Variants in CARD8 observed in about 807,000 individuals in gnomAD.
CARD8 encodes caspase recruitment domain family member 8, also known as caspase recruitment domain-containing protein 8.
A neutral mutation model predicts 53.2 loss-of-function variants in CARD8; 38 were observed. That is an observed-to-expected ratio of 0.71 (90% CI 0.55 to 0.94). CARD8 has a LOEUF of 0.94. Among genes scored for constraint, CARD8 ranks in the 40% least tolerant of loss-of-function variants. The probability of loss-of-function intolerance (pLI) is 0.00; values close to 1 mark genes in which losing one functional copy is unlikely to be tolerated. For synonymous variants in CARD8, 245 were observed against 244.9 expected, an observed-to-expected ratio of 1.00 and a Z score of 0.00; for missense variants, 561 against 655.5, an observed-to-expected ratio of 0.86 and a Z score of 1.57.
At chr19:48,245,601 A>G (rs1398637409) in intron 3 of CARD8, among the ~76,000 whole-genome samples, 1 of 152,126 alleles carries the variant, frequency 6.6e-6, no homozygotes, top group Non-Finnish European at 1.5e-5. Context: ...TCATTAAAAT[A>G]GCAACTATGG....
At chr19:48,241,274 T>C (rs1021299621) in intron 3 of CARD8, among the ~76,000 whole-genome samples, 7 of 152,152 alleles carry the variant, frequency 4.6e-5, no homozygotes, top group South Asian at 2.1e-4. Flanking sequence ...CCTTTTTTTT[T>C]AGATGGAGTC....
At chr19:48,231,390 T>A (rs1241107138) in intron 8 of CARD8, among the ~76,000 whole-genome samples, 1 of 152,184 alleles carries the variant, frequency 6.6e-6, no homozygotes, top group Admixed American at 6.6e-5. Context: ...CTGCAACCTC[T>A]GCCCCCTGGG....
intron 8 of CARD8, among the ~76,000 whole-genome samples, chr19:48,231,306 A>G (rs903754948): frequency 9.2e-5 from 14 of 151,798 alleles, no homozygotes; most frequent in Admixed American, 3.3e-4. Context: ...TTATATTTTT[A>G]TTTATTTATT....
At chr19:48,247,848 T>A (rs2046373367) in intron 3 of CARD8, among the ~76,000 whole-genome samples, 1 of 151,776 alleles carries the variant, frequency 6.6e-6, no homozygotes, top group African/African-American at 2.4e-5. Context: ...AAATTTTAAA[T>A]TTTAACATTA....
At chr19:48,243,489 T>C (rs1318155426) in intron 3 of CARD8, among the ~76,000 whole-genome samples, 1 of 152,240 alleles carries the variant, frequency 6.6e-6, no homozygotes, top group African/African-American at 2.4e-5. Flanking sequence ...AATCTGCATA[T>C]TTAATTTATT....
Position 48,209,891 on chromosome 19 carries a change from A to G in CARD8, c.*1819T>C, listed in dbSNP as rs904763690. The G allele has an allele frequency of 6.6e-6, 1 of 152,330 alleles. No homozygotes were observed. The highest frequency in any genetic ancestry group is 2.4e-5 in the African/African-American group (1 of 41,474). 9.4% of individuals were successfully genotyped at this position (152,330 alleles called of 1,614,324 possible). Reference sequence around the variant, plus strand: ...CTTATTTTGAAGGCCTTCTGGGCATATAAGCTATTGGAACTTGTCATCACT... The same window carrying G: ...CTTATTTTGAAGGCCTTCTGGGCATGTAAGCTATTGGAACTTGTCATCACT... On this transcript the variant is annotated 3_prime_UTR_variant, in exon 14 of 14. Coordinates refer to ENST00000651546, the MANE Select transcript of CARD8 (RefSeq NM_001184900.3).
At chr19:48,226,770 G>A (rs1204495891) in intron 10 of CARD8, among the ~76,000 whole-genome samples, 1 of 152,074 alleles carries the variant, frequency 6.6e-6, no homozygotes, top group Non-Finnish European at 1.5e-5. Context: ...ACTGGTTCAA[G>A]TTATGCTATG....
chr19:48,236,295 C>A (rs1223574823), intron 5 of CARD8, among the ~76,000 whole-genome samples: 1 of 152,188 alleles, frequency 6.6e-6, no homozygotes, highest in African/African-American at 2.4e-5. Flanking sequence ...TCACTGCAAC[C>A]TCTGCCTCCC....
At chr19:48,251,504 C>T (rs1370893367) in intron 1 of CARD8, among the ~76,000 whole-genome samples, 1 of 152,144 alleles carries the variant, frequency 6.6e-6, no homozygotes, top group Non-Finnish European at 1.5e-5. Flanking sequence ...ATCACTGAAA[C>T]CGTAGAGGCC....
intron 5 of CARD8, 22 bp downstream of exon 5, chr19:48,238,361 C>T (rs1202273002): frequency 6.5e-7 from 1 of 1,528,690 alleles, no homozygotes. Flanking sequence ...TAATTTTTTC[C>T]CAACAAATAG....
intron 3 of CARD8, among the ~76,000 whole-genome samples, chr19:48,244,754 T>C (rs1206708955): frequency 6.6e-6 from 1 of 152,212 alleles, no homozygotes; most frequent in Admixed American, 6.5e-5. Flanking sequence ...TACCAGAGCA[T>C]TGCTTAAAGG....
At chr19:48,218,059 C>T (rs1037522810) in intron 12 of CARD8, among the ~76,000 whole-genome samples, 3 of 152,158 alleles carry the variant, frequency 2.0e-5, no homozygotes, top group African/African-American at 7.2e-5. Context: ...AGGGTTTCCA[C>T]CCCTCTCCCA....
At chr19:48,241,402 T>C (rs969332623) in intron 3 of CARD8, among the ~76,000 whole-genome samples, 1 of 152,120 alleles carries the variant, frequency 6.6e-6, no homozygotes, top group Non-Finnish European at 1.5e-5. Flanking sequence ...ATTACAGGCA[T>C]GCGCCACCAT....
At chr19:48,226,959 G>A (rs532471195) in intron 10 of CARD8, among the ~76,000 whole-genome samples, 12 of 151,814 alleles carry the variant, frequency 7.9e-5, no homozygotes, top group African/African-American at 2.7e-4. Context: ...ATAGCTGGGC[G>A]TGGTGGCAGA....
At chr19:48,237,626 G>A (rs1423192918) in intron 5 of CARD8, among the ~76,000 whole-genome samples, 5 of 151,554 alleles carry the variant, frequency 3.3e-5, no homozygotes, top group Admixed American at 6.6e-5. Context: ...GTGAAACCCC[G>A]TATCTACTAA....
In CARD8 at chr19:48,214,769, C is replaced by CTTTTTTTTTTTTTT. The variant is rs531199248; in HGVS notation, c.1348+557_1348+570dup. ...CCTTCCTTTCATTCCTGCTATAAAG[C>CTTTTTTTTTTTTTT]TTTTTTTTTTTTTTTTTTTTTTTTT... is the stretch of plus-strand genomic sequence containing the variant. On this transcript the variant is annotated intron_variant, in intron 13 of 13. Coordinates refer to ENST00000651546, the MANE Select transcript of CARD8 (RefSeq NM_001184900.3). Among the ~76,000 whole-genome samples the CTTTTTTTTTTTTTT allele has an allele frequency of 2.9e-4, 26 of 89,566 alleles. 3 individuals are homozygous for CTTTTTTTTTTTTTT. Among genetic ancestry groups the CTTTTTTTTTTTTTT allele is most frequent in the African/African-American group, 5.3e-4 (11 of 20,586 alleles). 58.8% of individuals were successfully genotyped at this position (89,566 alleles called of 152,430 possible). A position where few individuals can be genotyped will look rare whatever the true frequency, so the allele number is the denominator to read the frequency against.
intron 1 of CARD8, among the ~76,000 whole-genome samples, chr19:48,253,833 GA>G (rs2047241969): frequency 1.3e-5 from 2 of 152,150 alleles, no homozygotes; most frequent in Non-Finnish European, 2.9e-5. Flanking sequence ...ACTCTTGTGG[GA>G]AATCTGTTCA....
At chr19:48,207,093 G>A (rs1297873887), downstream of CARD8, among the ~76,000 whole-genome samples, 1 of 151,076 alleles carries the variant, frequency 6.6e-6, no homozygotes, top group Non-Finnish European at 1.5e-5. Context: ...ACTTGAACCC[G>A]GGAGGCGGAG....
intron 10 of CARD8, among the ~76,000 whole-genome samples, chr19:48,227,802 CAA>C (rs35853514): frequency 1.8e-3 from 232 of 130,412 alleles, no homozygotes; most frequent in Middle Eastern, 3.8e-3. Flanking sequence ...GACTCCATCA[CAA>C]AAAAAAAAAA....
Sources: allele counts gnomAD v4.1 joint callset (sites outside exome capture counted in the v4.1 genomes callset), GRCh38; gene constraint gnomAD v4.1.1; transcripts MANE v1.5; gene names NCBI Gene and HGNC (gene_info 2026-07-23, HGNC 2026-07-21).